Variants in DISP1 observed in about 807,000 individuals in gnomAD.
DISP1 encodes the protein protein dispatched homolog 1.
In DISP1, 30 loss-of-function variants were observed where a neutral mutation model predicts 37.3. The ratio of observed to expected loss-of-function variants is 0.80; its 90% CI spans 0.60 to 1.09. DISP1 has a LOEUF of 1.09. DISP1 is among the 50% of genes least tolerant of loss of function. DISP1 has a pLI of 0.00. For synonymous variants in DISP1, 634 were observed against 690.2 expected, an observed-to-expected ratio of 0.92 and a Z score of 1.28; for missense variants, 1,598 against 1,879.5, an observed-to-expected ratio of 0.85 and a Z score of 2.77.
At chr1:222,958,611 A>G (rs903515463) in intron 3 of DISP1, among the ~76,000 whole-genome samples, 1 of 152,196 alleles carries the variant, frequency 6.6e-6, no homozygotes, top group Non-Finnish European at 1.5e-5. Context: ...TTTAAATACG[A>G]TTTTGTATTG....
chr1:222,917,384 A>G (rs1455749629), intron 1 of DISP1, among the ~76,000 whole-genome samples: 2 of 152,146 alleles, frequency 1.3e-5, no homozygotes, highest in Non-Finnish European at 2.9e-5. Context: ...ATAGGGTCCT[A>G]TAGGGACTTG....
chr1:222,824,598 A>T (rs997883058), intron 1 of DISP1, among the ~76,000 whole-genome samples: 1 of 152,062 alleles, frequency 6.6e-6, no homozygotes, highest in East Asian at 1.9e-4. Context: ...CACTTTAAGT[A>T]TTTGTTAAAT....
At chr1:222,951,700 G>A (rs1162385969) in intron 3 of DISP1, among the ~76,000 whole-genome samples, 1 of 152,210 alleles carries the variant, frequency 6.6e-6, no homozygotes, top group East Asian at 1.9e-4. Flanking sequence ...TTTAGCAAGT[G>A]CTTGATGAGT....
Position 222,943,191 on chromosome 1 carries a change from A to G in DISP1, c.368A>G (p.Tyr123Cys), listed in dbSNP as rs1391084086. Residue 123 changes from tyrosine (Y) to cysteine (C), a missense_variant, in exon 3 of 9, where the codon TAT (tyrosine) becomes TGT (cysteine). Coordinates refer to ENST00000675850, the MANE Select transcript of DISP1 (RefSeq NM_001377229.1). ...ASCCMQPHSEYSASLCPNHSP... is the reference protein window; with the variant it reads ...ASCCMQPHSECSASLCPNHSP... ...TGTTGCATGCAGCCACACTCCGAGT[A>G]TTCTGCATCTCTTTGTCCAAATCAT... 9 of 1,610,430 alleles carry G rather than the reference A, an allele frequency of 5.6e-6. No individual in the cohort carries two copies. The African/African-American group carries it at 9.3e-5, about 17-fold the overall frequency.
At chr1:222,849,656 C>G (rs762720704) in intron 1 of DISP1, among the ~76,000 whole-genome samples, 23 of 152,094 alleles carry the variant, frequency 1.5e-4, no homozygotes, top group Non-Finnish European at 3.1e-4. Context: ...TACTAGTAGA[C>G]TGTTACAGGC....
intron 2 of DISP1, among the ~76,000 whole-genome samples, chr1:222,936,904 A>AT (rs1202124907): frequency 0.011 from 985 of 90,370 alleles, 16 homozygotes; most frequent in Non-Finnish European, 0.016. Flanking sequence ...TTATTTATAT[A>AT]TAATATATTA....
chr1:222,833,780 A>G (rs1666348725), intron 1 of DISP1, among the ~76,000 whole-genome samples: 1 of 152,234 alleles, frequency 6.6e-6, no homozygotes, highest in Admixed American at 6.5e-5. Context: ...ATTTGGAGCT[A>G]GAAGACCTAG....
At chr1:222,913,288 A>T (rs925167235) in intron 1 of DISP1, among the ~76,000 whole-genome samples, 3 of 152,160 alleles carry the variant, frequency 2.0e-5, no homozygotes, top group African/African-American at 7.2e-5. Context: ...TTAAGCAAAT[A>T]AATTAAGTTT....
At chr1:222,964,705 T>C (rs1453622501) in intron 3 of DISP1, among the ~76,000 whole-genome samples, 1 of 152,234 alleles carries the variant, frequency 6.6e-6, no homozygotes, top group East Asian at 1.9e-4. Context: ...TCCTTTAGCC[T>C]GTTTATATCA....
At chr1:222,983,132 A>C in intron 4 of DISP1, 23 bp downstream of exon 4, 1 of 1,573,296 alleles carries the variant, frequency 6.4e-7, no homozygotes, top group Non-Finnish European at 8.7e-7. Context: ...GGGTCATCTT[A>C]TTAAATAATA....
chr1:222,886,581 G>T (rs1188482151), intron 1 of DISP1, among the ~76,000 whole-genome samples: 1 of 152,218 alleles, frequency 6.6e-6, no homozygotes, highest in Non-Finnish European at 1.5e-5. Flanking sequence ...GGCTGGCTAG[G>T]TGCCAGCTCT....
Position 222,943,036 on chromosome 1 carries a change from C to A in DISP1, c.213C>A (p.Asn71Lys). 3.7e-6 allele frequency: 6 copies of A among 1,614,174 alleles called. No homozygotes were observed. Among genetic ancestry groups the A allele is most frequent in the Non-Finnish European group, 5.1e-6 (6 of 1,180,028 alleles). ...AATCATCCTTTCTGCCTTTAGACAA[C>A]CAAAGAATGCCTCAGATGTTACCCC... ...TVKSSFLPLDNQRMPQMLPQC... is the reference protein window; with the variant it reads ...TVKSSFLPLDKQRMPQMLPQC... The change falls in exon 3 of 9, where the codon AAC (asparagine) becomes AAA (lysine). Residue 71 changes from asparagine to lysine, a missense_variant. Asn to Lys is a moderately conservative substitution (Grantham distance 94, BLOSUM62 0). Transcript: ENST00000675850.
rs79797514 is a variant in DISP1 at position 223,000,440 on chromosome 1, G to A, written c.988-1945G>A. ...TATGAATTATCCTAGTTTATGGAAT[G>A]TTTACGATTGCTCCTCAAAAATGAG... On this transcript the variant is annotated intron_variant, in intron 8 of 8. Coordinates refer to ENST00000675850, the MANE Select transcript of DISP1 (RefSeq NM_001377229.1). 4.6e-3 allele frequency among the ~76,000 whole-genome samples: 698 copies of A among 152,252 alleles called. 41 individuals carry two copies. The East Asian group carries it at 0.11, about 24-fold the overall frequency.
intron 1 of DISP1, among the ~76,000 whole-genome samples, chr1:222,865,378 C>A (rs990085170): frequency 1.3e-5 from 2 of 152,082 alleles, no homozygotes; most frequent in African/African-American, 4.8e-5. Context: ...AAAATGTTCT[C>A]CAAGATAACA....
chr1:222,816,646 G>C (rs2125106778), intron 1 of DISP1, among the ~76,000 whole-genome samples: 2 of 152,258 alleles, frequency 1.3e-5, no homozygotes, highest in South Asian at 4.1e-4. Flanking sequence ...TGATGGCCTT[G>C]AATATCTGTG....
intron 3 of DISP1, among the ~76,000 whole-genome samples, chr1:222,981,212 G>A (rs1277866112): frequency 1.3e-5 from 2 of 152,164 alleles, no homozygotes; most frequent in African/African-American, 4.8e-5. Flanking sequence ...TTTCTTCCTT[G>A]GTTTTACAGA....
chr1:222,842,748 A>T (rs1340551808), intron 1 of DISP1, among the ~76,000 whole-genome samples: 1 of 152,048 alleles, frequency 6.6e-6, no homozygotes. Flanking sequence ...CTGTGGTAAT[A>T]AAAATGGATT....
chr1:222,901,458 T>C (rs888480613), intron 1 of DISP1, among the ~76,000 whole-genome samples: 3 of 152,116 alleles, frequency 2.0e-5, no homozygotes, highest in African/African-American at 7.2e-5. Flanking sequence ...CAAAGATATT[T>C]GGGGACCTGC....
intron 1 of DISP1, among the ~76,000 whole-genome samples, chr1:222,880,437 A>C (rs939548275): frequency 1.3e-5 from 2 of 152,208 alleles, no homozygotes; most frequent in African/African-American, 4.8e-5. Flanking sequence ...AAAATCACTT[A>C]TAGAGCTGTG....
Sources: gnomAD v4.1 joint callset for allele counts (sites outside exome capture counted in the v4.1 genomes callset) on GRCh38, gnomAD v4.1.1 for gene constraint, MANE v1.5 for transcripts, NCBI Gene and HGNC (gene_info 2026-07-23, HGNC 2026-07-21) for gene names.